COL19A1: variants seen among roughly 807,000 people sequenced by gnomAD.
COL19A1 encodes collagen type XIX alpha 1 chain.
A neutral mutation model predicts 190.2 loss-of-function variants in COL19A1; 159 were observed. The ratio of observed to expected loss-of-function variants is 0.84; its 90% CI spans 0.73 to 0.95. The LOEUF (loss-of-function observed/expected upper bound fraction) is 0.95, where lower values mean the gene tolerates loss of function less well. COL19A1 is among the 40% of genes least tolerant of loss of function. The pLI is 0.00. For missense variants in COL19A1, 1,418 were observed against 1,431.9 expected (o/e 0.99, Z 0.16); for synonymous variants, 509 against 458.9 (o/e 1.11, Z -1.39).
intron 31 of COL19A1, among the ~76,000 whole-genome samples, chr6:70,151,752 CTCCT>C (rs1787072568): frequency 2.0e-5 from 3 of 152,060 alleles, no homozygotes; most frequent in Non-Finnish European, 4.4e-5. Flanking sequence ...AGATTATTCT[CTCCT>C]CTGGAGGAAC....
At chr6:70,095,364 C>T (rs567725735) in intron 15 of COL19A1, among the ~76,000 whole-genome samples, 6 of 152,126 alleles carry the variant, frequency 3.9e-5, no homozygotes, top group African/African-American at 1.4e-4. Flanking sequence ...AAAGGATGCA[C>T]ACTACATATT....
At chr6:69,983,713 G>T (rs1270628447) in intron 11 of COL19A1, among the ~76,000 whole-genome samples, 1 of 152,010 alleles carries the variant, frequency 6.6e-6, no homozygotes, top group Non-Finnish European at 1.5e-5. Context: ...TGATGAGATG[G>T]TAATATAATT....
intron 2 of COL19A1, chr6:69,890,818 C>T (rs1022242925): frequency 6.5e-6 from 1 of 154,140 alleles, no homozygotes; most frequent in Non-Finnish European, 1.4e-5. Context: ...ACTGGGCAGG[C>T]TGGTTGGAGT....
intron 41 of COL19A1, 88 bp downstream of exon 41, chr6:70,172,105 T>C: frequency 8.5e-7 from 1 of 1,176,688 alleles, no homozygotes; most frequent in South Asian, 1.3e-5. Context: ...TGTTTTAGGT[T>C]AGGGATATAT....
chr6:70,066,667 A>T (rs1781233599), intron 14 of COL19A1, among the ~76,000 whole-genome samples: 1 of 151,948 alleles, frequency 6.6e-6, no homozygotes, highest in Non-Finnish European at 1.5e-5. Flanking sequence ...ATACATAATA[A>T]GTAACTATGG....
chr6:70,192,710 TA>T (rs530921359), intron 48 of COL19A1, among the ~76,000 whole-genome samples: 29 of 152,314 alleles, frequency 1.9e-4, no homozygotes, highest in African/African-American at 6.7e-4. Context: ...GCACACTTGT[TA>T]AAAAATGATT....
intron 11 of COL19A1, among the ~76,000 whole-genome samples, chr6:69,988,311 T>C (rs1309805365): frequency 6.6e-6 from 1 of 152,164 alleles, no homozygotes; most frequent in African/African-American, 2.4e-5. Context: ...AGCACCACCA[T>C]TATTAAAGTA....
chr6:70,114,962 G>A (rs1784480252), intron 16 of COL19A1, among the ~76,000 whole-genome samples: 1 of 152,188 alleles, frequency 6.6e-6, no homozygotes, highest in African/African-American at 2.4e-5. Context: ...ACTGAAACAT[G>A]AATTTTCCCT....
intron 19 of COL19A1, among the ~76,000 whole-genome samples, chr6:70,138,983 T>G (rs1277036823): frequency 6.6e-6 from 1 of 152,078 alleles, no homozygotes; most frequent in Non-Finnish European, 1.5e-5. Flanking sequence ...CTTCTCTAGG[T>G]CTCCACTGTC....
intron 47 of COL19A1, among the ~76,000 whole-genome samples, chr6:70,188,859 C>G (rs1306424277): frequency 6.6e-6 from 1 of 152,136 alleles, no homozygotes; most frequent in Non-Finnish European, 1.5e-5. Flanking sequence ...AAAGGAGGGT[C>G]TTGAAGTGAA....
chr6:69,941,013 A>G (rs1773432048), intron 9 of COL19A1, among the ~76,000 whole-genome samples: 1 of 152,180 alleles, frequency 6.6e-6, no homozygotes, highest in South Asian at 2.1e-4. Flanking sequence ...TAATGCCTAC[A>G]TAACTTGAAG....
chr6:70,116,647 T>TG (rs1422973009), intron 16 of COL19A1, among the ~76,000 whole-genome samples: 2 of 141,908 alleles, frequency 1.4e-5, no homozygotes, highest in South Asian at 2.6e-4. Context: ...TCCTAATGAC[T>TG]GTTTTTTTTT....
intron 9 of COL19A1, among the ~76,000 whole-genome samples, chr6:69,941,100 G>C (rs1249702494): frequency 6.6e-6 from 1 of 152,096 alleles, no homozygotes; most frequent in African/African-American, 2.4e-5. Flanking sequence ...TGTTACTAAG[G>C]GAATCAGATG....
chr6:69,928,598 T>A (rs1242437220), intron 5 of COL19A1, among the ~76,000 whole-genome samples: 1 of 152,082 alleles, frequency 6.6e-6, no homozygotes, highest in Non-Finnish European at 1.5e-5. Flanking sequence ...TATAGCATAA[T>A]TATGTTGAAC....
intron 49 of COL19A1, 121 bp from the exon 50 acceptor site, chr6:70,206,780 A>G: frequency 1.3e-6 from 1 of 771,056 alleles, no homozygotes; most frequent in South Asian, 2.0e-5. Flanking sequence ...TAGCTAATAT[A>G]CTATTTATTT....
intron 27 of COL19A1, among the ~76,000 whole-genome samples, chr6:70,148,823 A>T (rs1209003742): frequency 6.6e-6 from 1 of 152,050 alleles, no homozygotes; most frequent in Non-Finnish European, 1.5e-5. Context: ...GCTACTCAAG[A>T]GACTGAGGCA....
intron 9 of COL19A1, among the ~76,000 whole-genome samples, chr6:69,959,608 G>A (rs1279699729): frequency 6.6e-6 from 1 of 152,136 alleles, no homozygotes; most frequent in East Asian, 1.9e-4. Flanking sequence ...TGTCAAAACA[G>A]CAGTGCCTGG....
chr6:69,977,089 T>G (rs1186924177), intron 11 of COL19A1, among the ~76,000 whole-genome samples: 1 of 152,210 alleles, frequency 6.6e-6, no homozygotes, highest in Non-Finnish European at 1.5e-5. Context: ...TTATAAATCA[T>G]GCTGCTATAA....
At chr6:70,115,005 C>A (rs1240283197) in intron 16 of COL19A1, among the ~76,000 whole-genome samples, 4 of 152,180 alleles carry the variant, frequency 2.6e-5, no homozygotes, top group African/African-American at 9.6e-5. Flanking sequence ...CCACCACTTA[C>A]AATCCAAGTT....
Sources: gnomAD v4.1 joint callset for allele counts (sites outside exome capture counted in the v4.1 genomes callset) on GRCh38, gnomAD v4.1.1 for gene constraint, MANE v1.5 for transcripts, NCBI Gene and HGNC (gene_info 2026-07-23, HGNC 2026-07-21) for gene names.